CGGBP1: variants seen among roughly 807,000 people sequenced by gnomAD.
CGGBP1 encodes the protein CGG triplet repeat binding protein 1.
In CGGBP1, 4 loss-of-function variants were observed where a neutral mutation model predicts 11.4. The observed-to-expected ratio is 0.35, with a 90% CI of 0.17 to 0.80. The LOEUF is 0.80. Ranked by LOEUF, CGGBP1 falls within the 30% of genes least tolerant of loss-of-function variation. CGGBP1 has a pLI of 0.52. For synonymous variants in CGGBP1, 76 were observed against 74.1 expected, an observed-to-expected ratio of 1.03 and a Z score of -0.13; for missense variants, 135 against 202.1, an observed-to-expected ratio of 0.67 and a Z score of 2.01.
chr3:88,140,669 C>T (rs370947934), intron 2 of CGGBP1: 1 of 1,613,544 alleles, frequency 6.2e-7, no homozygotes, highest in African/African-American at 1.3e-5. Context: ...TTGATACAAA[C>T]AGAATCAGGA....
chr3:88,088,769 G>A (rs1465066836), intron 2 of CGGBP1, among the ~76,000 whole-genome samples: 1 of 151,506 alleles, frequency 6.6e-6, no homozygotes, highest in Non-Finnish European at 1.5e-5. Flanking sequence ...TGTATGGATG[G>A]ATGGATGGAT....
upstream of CGGBP1, among the ~76,000 whole-genome samples, chr3:88,062,820 G>A (rs570833925): frequency 1.3e-5 from 2 of 152,292 alleles, no homozygotes; most frequent in South Asian, 4.1e-4. Context: ...AATGTACTTA[G>A]TATTGTACGT....
chr3:88,141,585 C>G, intron 1 of CGGBP1: 1 of 1,315,860 alleles, frequency 7.6e-7, no homozygotes, highest in Non-Finnish European at 1.0e-6. Flanking sequence ...AGGAATCTGA[C>G]TTGGAATTCC....
chr3:88,086,031 G>GT (rs755606261), intron 2 of CGGBP1, among the ~76,000 whole-genome samples: 1 of 152,078 alleles, frequency 6.6e-6, no homozygotes, highest in Non-Finnish European at 1.5e-5. Flanking sequence ...TAGTTGAATA[G>GT]TACAGACATT....
chr3:88,080,609 C>T (rs1708027755), intron 2 of CGGBP1, among the ~76,000 whole-genome samples: 1 of 152,002 alleles, frequency 6.6e-6, no homozygotes, highest in South Asian at 2.1e-4. Flanking sequence ...CTTCCAAAGC[C>T]TATACTCTTT....
At position 88,127,920 on chromosome 3, in the gene CGGBP1, T is replaced by C. The variant is rs553298841; in HGVS notation, c.-229+13050A>G. Among the ~76,000 whole-genome samples, 4 of 152,330 alleles carry C rather than the reference T, an allele frequency of 2.6e-5. No homozygotes were observed. The South Asian group carries it at 8.3e-4, about 32-fold the overall frequency. On this transcript the variant is annotated intron_variant, in intron 2 of 3. Coordinates refer to the CGGBP1 transcript ENST00000462901. ...TACAAATCAGTGTTTGCATATCATA[T>C]ATTGTAAACAGAATTGCAAGACAAA... is the stretch of plus-strand genomic sequence containing the variant.
At chr3:88,121,629 T>A (rs1223799114) in intron 2 of CGGBP1, among the ~76,000 whole-genome samples, 1 of 152,162 alleles carries the variant, frequency 6.6e-6, no homozygotes, top group African/African-American at 2.4e-5. Context: ...ATGCATAACA[T>A]CCTTAAATTT....
intron 2 of CGGBP1, among the ~76,000 whole-genome samples, chr3:88,103,782 T>G (rs1345137202): frequency 6.8e-6 from 1 of 147,952 alleles, no homozygotes; most frequent in Admixed American, 6.7e-5. Flanking sequence ...TTTTTTTTTT[T>G]TTGAGATGGA....
chr3:88,144,210 T>C (rs1272956926), intron 1 of CGGBP1: 3 of 152,362 alleles, frequency 2.0e-5, no homozygotes, highest in Admixed American at 6.6e-5. Flanking sequence ...ACTGGTACTT[T>C]GGGCTTTAGC....
At position 88,102,976 on chromosome 3, in the gene CGGBP1, C is replaced by T. The variant is rs1206143602; in HGVS notation, c.-229+37994G>A. Reference sequence around the variant, plus strand: ...CTAACCACTAGATAGTTTTTAAATCCTACCCTCTGCCCCACTAGTAGTCTC... The same window carrying T: ...CTAACCACTAGATAGTTTTTAAATCTTACCCTCTGCCCCACTAGTAGTCTC... On this transcript the variant is annotated intron_variant, in intron 2 of 3. Transcript: ENST00000462901. Among the ~76,000 whole-genome samples, 3 of 151,992 alleles carry T rather than the reference C, an allele frequency of 2.0e-5. 1 individual carries two copies. Among genetic ancestry groups the T allele is most frequent in the East Asian group, 3.9e-4 (2 of 5,184 alleles).
intron 2 of CGGBP1, chr3:88,126,010 C>A (rs1706078279): frequency 1.9e-6 from 2 of 1,060,434 alleles, no homozygotes; most frequent in Non-Finnish European, 2.6e-6. Context: ...ACAATAGTAA[C>A]CCTTTCTCTT....
chr3:88,107,360 A>C (rs1425760862), intron 2 of CGGBP1, among the ~76,000 whole-genome samples: 1 of 152,176 alleles, frequency 6.6e-6, no homozygotes, highest in Admixed American at 6.5e-5. Context: ...TTTGCATCTT[A>C]GACCTTTCTT....
At chr3:88,059,118 A>G (rs903126885), upstream of CGGBP1, 4 of 994,584 alleles carry the variant, frequency 4.0e-6, no homozygotes, top group African/African-American at 1.6e-5. Flanking sequence ...GCGGGCATGA[A>G]CATGATTGGC....
intron 1 of CGGBP1, chr3:88,143,416 GT>G (rs1707220097): frequency 6.6e-6 from 1 of 152,068 alleles, no homozygotes; most frequent in Non-Finnish European, 1.5e-5. Flanking sequence ...TAAAAAAAAT[GT>G]TTCCTGTATT....
At chr3:88,143,629 T>C (rs1053042042) in intron 1 of CGGBP1, 3 of 152,304 alleles carry the variant, frequency 2.0e-5, no homozygotes, top group African/African-American at 7.2e-5. Flanking sequence ...GCCCACAAAG[T>C]ATTCCATTTT....
chr3:88,097,558 C>T (rs985147037), intron 2 of CGGBP1, among the ~76,000 whole-genome samples: 40 of 152,052 alleles, frequency 2.6e-4, no homozygotes, highest in Admixed American at 6.6e-4. Flanking sequence ...CACACTTATT[C>T]CAAAATTGAC....
intron 2 of CGGBP1, among the ~76,000 whole-genome samples, chr3:88,094,124 TTGG>T (rs1362275590): frequency 6.6e-6 from 1 of 151,008 alleles, no homozygotes; most frequent in South Asian, 2.1e-4. Flanking sequence ...TTTGAGGCAG[TTGG>T]TGGTCTTAAT....
At chr3:88,077,634 A>T (rs369196791) in intron 2 of CGGBP1, among the ~76,000 whole-genome samples, 32 of 152,312 alleles carry the variant, frequency 2.1e-4, no homozygotes, top group East Asian at 9.7e-4. Flanking sequence ...TGCTTCTGAG[A>T]TAGGGAAACC....
intron 2 of CGGBP1, among the ~76,000 whole-genome samples, chr3:88,072,513 G>A (rs1707572109): frequency 6.6e-6 from 1 of 151,964 alleles, no homozygotes; most frequent in Non-Finnish European, 1.5e-5. Context: ...GTACATATCT[G>A]CTTCTTGGCT....
Sources: allele counts gnomAD v4.1 joint callset (sites outside exome capture counted in the v4.1 genomes callset), GRCh38; gene constraint gnomAD v4.1.1; transcripts MANE v1.5; gene names NCBI Gene and HGNC (gene_info 2026-07-23, HGNC 2026-07-21).